The following PLXNA4 variants were observed in gnomAD, a reference collection of about 807,000 sequenced individuals.
The protein encoded by PLXNA4 is plexin A4, also known as plexin-A4.
PLXNA4 carries 44 observed loss-of-function variants against 191.8 expected under a neutral mutation model. The observed-to-expected ratio is 0.23, with a 90% CI of 0.18 to 0.29. PLXNA4 has a LOEUF of 0.29. Among genes scored for constraint, PLXNA4 ranks in the 10% least tolerant of loss-of-function variants. PLXNA4 has a pLI of 1.00. For synonymous variants in PLXNA4, 1,082 were observed against 1,009.5 expected (o/e 1.07, Z -1.36); for missense variants, 1,800 against 2,488.8 (o/e 0.72, Z 5.89).
intron 3 of PLXNA4, 102 bp downstream of exon 3, chr7:132,489,190 C>A: frequency 7.9e-7 from 1 of 1,258,342 alleles, no homozygotes; most frequent in South Asian, 1.6e-5. Flanking sequence ...TCTGTATCAC[C>A]TGCCCACACG....
chr7:132,134,785 T>A (rs1362289334), intron 30 of PLXNA4, among the ~76,000 whole-genome samples: 1 of 152,164 alleles, frequency 6.6e-6, no homozygotes, highest in Non-Finnish European at 1.5e-5. Context: ...ATTTCCATCC[T>A]TCACATCTTC....
chr7:132,219,770 A>G (rs1798082901), intron 9 of PLXNA4, among the ~76,000 whole-genome samples: 1 of 152,166 alleles, frequency 6.6e-6, no homozygotes, highest in Non-Finnish European at 1.5e-5. Context: ...CAGAAGTCTC[A>G]TAAGATTATA....
chr7:132,347,971 A>G (rs144405770), intron 3 of PLXNA4, among the ~76,000 whole-genome samples: 1 of 152,218 alleles, frequency 6.6e-6, no homozygotes, highest in Non-Finnish European at 1.5e-5. Flanking sequence ...CTCTCCTGGG[A>G]CAGCTGTGGG....
chr7:132,425,374 C>G (rs967268541), intron 3 of PLXNA4, among the ~76,000 whole-genome samples: 1 of 152,092 alleles, frequency 6.6e-6, no homozygotes, highest in African/African-American at 2.4e-5. Context: ...CTGGCACTGA[C>G]AGGGGAATTG....
intron 3 of PLXNA4, among the ~76,000 whole-genome samples, chr7:132,479,772 C>T (rs766357037): frequency 6.6e-6 from 1 of 152,180 alleles, no homozygotes; most frequent in Non-Finnish European, 1.5e-5. Context: ...GCCTCAGCCT[C>T]TGGAGTAGCT....
intron 5 of PLXNA4, among the ~76,000 whole-genome samples, chr7:132,228,804 T>C (rs1275069550): frequency 6.6e-6 from 1 of 152,220 alleles, no homozygotes; most frequent in Non-Finnish European, 1.5e-5. Context: ...TTCTCCTCCT[T>C]AGGCAACCAG....
chr7:132,489,381 C>G lies in PLXNA4; in HGVS notation c.1282G>C (p.Asp428His), dbSNP rs1797690537. 1 of 1,607,154 alleles carries G rather than the reference C, an allele frequency of 6.2e-7. No individual in the cohort carries two copies. The change falls in exon 3 of 32, where the codon GAC becomes CAC. Residue 428 changes from aspartate to histidine, a missense_variant. Asp to His is a moderately conservative substitution (Grantham distance 81). Around this residue, in one of 6 missense-constraint regions of PLXNA4, gnomAD observed 1,397 missense variants for 1,880.4 expected, o/e 0.74. Coordinates refer to ENST00000321063, the MANE Select transcript of PLXNA4 (RefSeq NM_020911.2). ...MVRGIPVFTE[D>H]RDRMTSVIAY... is the part of the protein sequence containing the mutation. ...ATGACAGACGTCATGCGGTCCCTGT[C>G]CTCCGTGAAGACGGGAATTCCACGC...
Position 132,128,063 on chromosome 7 carries a change from A to C in PLXNA4, c.*2416T>G, listed in dbSNP as rs927704507. ...CACACACGCAGCTTCCATCCAGCAAATCTGTGTTAAATACGTTTGTGTCTC... is the reference window on the plus strand; with the variant it reads ...CACACACGCAGCTTCCATCCAGCAACTCTGTGTTAAATACGTTTGTGTCTC... On this transcript the variant is annotated 3_prime_UTR_variant, in exon 32 of 32. Coordinates refer to ENST00000321063, the MANE Select transcript of PLXNA4 (RefSeq NM_020911.2). The C allele has an allele frequency of 2.6e-5, 4 of 151,320 alleles. No homozygotes were observed. Among genetic ancestry groups the C allele is most frequent in the African/African-American group, 9.7e-5 (4 of 41,130 alleles). 9.4% of individuals were successfully genotyped at this position (151,320 alleles called of 1,614,324 possible). A position where few individuals can be genotyped will look rare whatever the true frequency, so the allele number is the denominator to read the frequency against.
chr7:132,496,906 C>T (rs937098860), intron 2 of PLXNA4, among the ~76,000 whole-genome samples: 2 of 152,178 alleles, frequency 1.3e-5, no homozygotes, highest in African/African-American at 4.8e-5. Flanking sequence ...CCCCTGACCA[C>T]TCACTTAAGC....
Position 132,384,938 on chromosome 7 carries a change from T to C in PLXNA4, c.1372-86716A>G. 3 of 1,307,344 alleles carry C rather than the reference T, an allele frequency of 2.3e-6. No homozygotes were observed. In the South Asian group the frequency reaches 4.7e-5, roughly 20 times the overall value. 81.0% of individuals were successfully genotyped at this position (1,307,344 alleles called of 1,614,324 possible). ...GTGATAACACCACAAGAGTCAAACA[T>C]GCCTACACTCCATTGTCCAAAATTA... On this transcript the variant is annotated intron_variant, in intron 3 of 31. Transcript: ENST00000321063.
intron 5 of PLXNA4, among the ~76,000 whole-genome samples, chr7:132,237,387 C>A (rs924280869): frequency 2.6e-5 from 4 of 152,142 alleles, no homozygotes; most frequent in Admixed American, 2.6e-4. Context: ...GTATTTTTAG[C>A]TTTTAGAGGC....
chr7:132,276,358 G>C (rs1271513554), intron 4 of PLXNA4, among the ~76,000 whole-genome samples: 1 of 152,074 alleles, frequency 6.6e-6, no homozygotes, highest in Non-Finnish European at 1.5e-5. Flanking sequence ...CCATTGAGAT[G>C]GAAAATAAAG....
intron 4 of PLXNA4, among the ~76,000 whole-genome samples, chr7:132,293,571 T>C (rs537368275): frequency 6.6e-6 from 1 of 152,348 alleles, no homozygotes; most frequent in Admixed American, 6.5e-5. Flanking sequence ...CCTGTCATTG[T>C]ATTGAACACA....
At chr7:132,504,329 C>A (rs766334475) in intron 2 of PLXNA4, among the ~76,000 whole-genome samples, 2 of 152,198 alleles carry the variant, frequency 1.3e-5, no homozygotes, top group South Asian at 4.1e-4. Flanking sequence ...CTTCCTATCC[C>A]CCAAATGAAC....
At chr7:132,224,250 T>C (rs1562976573) in intron 8 of PLXNA4, among the ~76,000 whole-genome samples, 1 of 152,326 alleles carries the variant, frequency 6.6e-6, no homozygotes, top group East Asian at 1.9e-4. Context: ...ACGGTATAGA[T>C]GACCACTGCC....
intron 1 of PLXNA4, among the ~76,000 whole-genome samples, chr7:132,550,529 CACTT>C (rs1381002857): frequency 6.6e-6 from 1 of 152,168 alleles, no homozygotes; most frequent in Non-Finnish European, 1.5e-5. Flanking sequence ...AATTAGTAGA[CACTT>C]AAAGAGGATC....
chr7:132,134,565 A>C (rs991774734), intron 30 of PLXNA4, among the ~76,000 whole-genome samples: 1 of 152,136 alleles, frequency 6.6e-6, no homozygotes, highest in African/African-American at 2.4e-5. Context: ...GAGGGAGATG[A>C]CAGCTGTGCT....
chr7:132,482,258 CAA>C (rs1173713408), intron 3 of PLXNA4, among the ~76,000 whole-genome samples: 1 of 152,170 alleles, frequency 6.6e-6, no homozygotes, highest in Non-Finnish European at 1.5e-5. Flanking sequence ...AACCAGGTTT[CAA>C]AAAGACAATG....
At chr7:132,452,237 C>T (rs528749839) in intron 3 of PLXNA4, among the ~76,000 whole-genome samples, 1 of 152,312 alleles carries the variant, frequency 6.6e-6, no homozygotes, top group South Asian at 2.1e-4. Context: ...CATCCCAGCA[C>T]CATGCATTTA....
Sources: gnomAD v4.1 joint callset for allele counts (sites outside exome capture counted in the v4.1 genomes callset) on GRCh38, gnomAD v4.1.1 for gene constraint, gnomAD v4.1.1 regional missense constraint, MANE v1.5 for transcripts, NCBI Gene and HGNC (gene_info 2026-07-23, HGNC 2026-07-21) for gene names.